The following DBN1 variants were observed in gnomAD, a reference collection of about 807,000 sequenced individuals.
The protein encoded by DBN1 is drebrin.
In DBN1, 21 loss-of-function variants were observed where a neutral mutation model predicts 83.5. The observed-to-expected ratio is 0.25, with a 90% CI of 0.18 to 0.36. The LOEUF (loss-of-function observed/expected upper bound fraction) is 0.36, where lower values mean the gene tolerates loss of function less well. Ranked by LOEUF, DBN1 falls within the 10% of genes least tolerant of loss-of-function variation. DBN1 has a pLI of 1.00. For missense variants in DBN1, 874 were observed against 935.7 expected (o/e 0.93, Z 0.86); for synonymous variants, 381 against 384.9 (o/e 0.99, Z 0.12).
intron 1 of DBN1, chr5:177,472,872 G>A (rs917720958): frequency 1.0e-6 from 1 of 985,430 alleles, no homozygotes; most frequent in Non-Finnish European, 1.2e-6. Context: ...CCAGGTTTCG[G>A]GGGGAGGGCG....
intron 1 of DBN1, among the ~76,000 whole-genome samples, chr5:177,469,483 GC>G (rs1757696254): frequency 6.6e-6 from 1 of 152,128 alleles, no homozygotes; most frequent in South Asian, 2.1e-4. Flanking sequence ...CTCAATCTCC[GC>G]CTCTCTGAAA....
In DBN1 at chr5:177,460,668, C is replaced by A. The variant is rs139280919; in HGVS notation, c.807G>T (p.Met269Ile). Residue 269 changes from methionine (M) to isoleucine (I), a missense_variant, in exon 9 of 15, where the codon ATG becomes ATT. Around this residue, in one of 4 missense-constraint regions of DBN1, gnomAD observed 725 missense variants for 719.7 expected, o/e 1.01. Coordinates refer to ENST00000393565, the MANE Select transcript of DBN1 (RefSeq NM_001363541.2). ...CCTCCACCTCCGACTCTGACTTCTTCATGTGGGTCTCTTCCTCCTCATCCC... is the reference window on the plus strand; with the variant it reads ...CCTCCACCTCCGACTCTGACTTCTTAATGTGGGTCTCTTCCTCCTCATCCC... Reference protein sequence around the residue: ...DHRDEEEETHMKKSESEVEEA... With the variant: ...DHRDEEEETHIKKSESEVEEA... 1.9e-6 allele frequency: 3 copies of A among 1,614,212 alleles called. No homozygotes were observed. The highest frequency in any genetic ancestry group is 2.5e-6 in the Non-Finnish European group (3 of 1,180,036).
At chr5:177,458,924 A>G (rs777261828) in intron 12 of DBN1, among the ~76,000 whole-genome samples, 174 bp downstream of exon 12, 1 of 152,152 alleles carries the variant, frequency 6.6e-6, no homozygotes, top group Non-Finnish European at 1.5e-5. Context: ...TAAGCTTTAG[A>G]GAGGGCAGGT....
intron 1 of DBN1, chr5:177,472,210 T>C: frequency 6.2e-7 from 1 of 1,613,634 alleles, no homozygotes; most frequent in Non-Finnish European, 8.5e-7. Flanking sequence ...TGCCCAGCCA[T>C]CTCATCCTCT....
intron 1 of DBN1, among the ~76,000 whole-genome samples, chr5:177,470,311 T>C (rs1050908966): frequency 6.6e-6 from 1 of 152,176 alleles, no homozygotes; most frequent in African/African-American, 2.4e-5. Flanking sequence ...TCTCTCTCCA[T>C]GCACTGATGA....
At position 177,464,923 on chromosome 5, in the gene DBN1, G is replaced by GGCGA. The variant is rs1757326435; in HGVS notation, c.771+1848_771+1849insTCGC. Among the ~76,000 whole-genome samples, 4 of 152,092 alleles carry GGCGA rather than the reference G, an allele frequency of 2.6e-5. No individual in the cohort carries two copies. The South Asian group carries it at 6.2e-4, about 24-fold the overall frequency. On this transcript the variant is annotated intron_variant, in intron 8 of 14. Coordinates refer to ENST00000393565, the MANE Select transcript of DBN1 (RefSeq NM_001363541.2). ...TAATCCCAGCACTTTGGGTGGCTGAGGTGGGCAGATCATGAGGTCAGGAGA... is the reference window on the plus strand; with the variant it reads ...TAATCCCAGCACTTTGGGTGGCTGAGGCGAGTGGGCAGATCATGAGGTCAGGAGA...
Position 177,467,325 on chromosome 5 carries a change from G to A in DBN1, c.485C>T (p.Thr162Ile). 1 of 1,614,190 alleles carries A rather than the reference G, an allele frequency of 6.2e-7. No individual in the cohort carries two copies. The highest frequency in any genetic ancestry group is 8.5e-7 in the Non-Finnish European group (1 of 1,180,020). The change falls in exon 6 of 15, where the codon ACC becomes ATC. Residue 162 changes from threonine to isoleucine, a missense_variant. Thr to Ile is a moderately conservative substitution (Grantham distance 89). Transcript: ENST00000393565. The surrounding 1 kb of genome is among the most constrained non-coding windows in gnomAD (Gnocchi z 9.1). The part of the protein sequence containing the change: ...EDENAEPVGT[T>I]YQKTDAAVEM... ...CACAGCTGCATCCGTCTTCTGGTAGGTGGTGCCCTGCAGTGTCGAAGGACC... is the reference window on the plus strand; with the variant it reads ...CACAGCTGCATCCGTCTTCTGGTAGATGGTGCCCTGCAGTGTCGAAGGACC...
At chr5:177,472,077 C>T (rs1324855910) in intron 1 of DBN1, 5 of 1,585,392 alleles carry the variant, frequency 3.2e-6, no homozygotes, top group African/African-American at 1.4e-5. Flanking sequence ...ATGGGTGGGC[C>T]GCCTGCCTGC....
rs576317266 is a variant in DBN1 at position 177,458,246 on chromosome 5, G to T, written c.1726C>A (p.Leu576Ile). 1 of 1,613,726 alleles carries T rather than the reference G, an allele frequency of 6.2e-7. No individual in the cohort carries two copies. Among genetic ancestry groups the T allele is most frequent in the Admixed American group, 1.7e-5 (1 of 60,022 alleles). The change falls in exon 13 of 15, where the codon CTT (leucine) becomes ATT (isoleucine). Residue 576 changes from leucine to isoleucine, a missense_variant. Leu to Ile is a conservative substitution (Grantham distance 5). Around this residue, in one of 4 missense-constraint regions of DBN1, gnomAD observed 725 missense variants for 719.7 expected, o/e 1.01. Coordinates refer to ENST00000393565, the MANE Select transcript of DBN1 (RefSeq NM_001363541.2). Reference protein sequence around the residue: ...LLPAGEGCATLLNFDELPEPP... With the variant: ...LLPAGEGCATILNFDELPEPP... ...TCAGGCAGCTCATCAAAGTTGAGAA[G>T]GGTGGCACAGCCTTCGCCTGCTGGC...
At chr5:177,462,145 G>C (rs1757091379) in intron 8 of DBN1, 2 of 888,894 alleles carry the variant, frequency 2.2e-6, no homozygotes, top group Non-Finnish European at 2.7e-6. Context: ...GCCCGCACTT[G>C]GCCTACGTCC....
Position 177,472,296 on chromosome 5 carries a change from T to C in DBN1, c.86+1140A>G, listed in dbSNP as rs1757907332. 4 of 1,582,222 alleles carry C rather than the reference T, an allele frequency of 2.5e-6. No homozygotes were observed. The African/African-American group carries it at 4.1e-5, about 16-fold the overall frequency. On this transcript the variant is annotated intron_variant, in intron 1 of 14. Transcript: ENST00000393565. ...GCGGGTGAGGCCAGCCCAAGCGGGG[T>C]CCCTCAGACCTGCCCTCCTCTTTGC...
chr5:177,464,721 C>T (rs1757301129), intron 8 of DBN1, among the ~76,000 whole-genome samples: 1 of 152,040 alleles, frequency 6.6e-6, no homozygotes, highest in Non-Finnish European at 1.5e-5. Context: ...GGGTGGATCA[C>T]CTGAGGTCAG....
At chr5:177,462,244 A>G in intron 8 of DBN1, 1 of 985,042 alleles carries the variant, frequency 1.0e-6, no homozygotes, top group Non-Finnish European at 1.2e-6. Flanking sequence ...TGAGATGTAG[A>G]CATCAAGTCC....
chr5:177,462,443 T>A (rs1757120239), intron 8 of DBN1: 1 of 982,606 alleles, frequency 1.0e-6, no homozygotes, highest in African/African-American at 1.7e-5. Context: ...TCAGGTCATT[T>A]CCTCCTCTGG....
At chr5:177,462,292 C>G in intron 8 of DBN1, 1 of 985,524 alleles carries the variant, frequency 1.0e-6, no homozygotes, top group South Asian at 4.7e-5. Flanking sequence ...CAGGCACACC[C>G]GTTCCCACCT....
At chr5:177,462,702 G>A (rs967767090) in intron 8 of DBN1, among the ~76,000 whole-genome samples, 8 of 152,180 alleles carry the variant, frequency 5.3e-5, no homozygotes, top group Admixed American at 6.5e-5. Context: ...TGAAGTCCCA[G>A]GGCTGCTCTG....
chr5:177,463,078 T>C (rs1377239066), intron 8 of DBN1, among the ~76,000 whole-genome samples: 14 of 151,754 alleles, frequency 9.2e-5, no homozygotes, highest in African/African-American at 3.1e-4. Flanking sequence ...AGTCTTTCAC[T>C]CAGGCTGGAG....
At position 177,464,710 on chromosome 5, in the gene DBN1, C is replaced by T. The variant is rs555661028; in HGVS notation, c.771+2062G>A. 4.0e-5 allele frequency among the ~76,000 whole-genome samples: 6 copies of T among 151,810 alleles called. No individual in the cohort carries two copies. In the East Asian group the frequency reaches 5.8e-4, roughly 15 times the overall value. The stretch of plus-strand genomic sequence containing the variant: ...TAATCCCGGCACTTTGTGAGGCCGG[C>T]GGGTGGATCACCTGAGGTCAGGAGT... On this transcript the variant is annotated intron_variant, in intron 8 of 14. Coordinates refer to ENST00000393565, the MANE Select transcript of DBN1 (RefSeq NM_001363541.2).
intron 1 of DBN1, chr5:177,472,860 G>A: frequency 1.0e-6 from 1 of 985,592 alleles, no homozygotes; most frequent in Non-Finnish European, 1.2e-6. Context: ...CCTCACTCCA[G>A]CCCAGGTTTC....
Sources: gnomAD v4.1 joint callset for allele counts (sites outside exome capture counted in the v4.1 genomes callset) on GRCh38, gnomAD v4.1.1 for gene constraint, gnomAD v4.1.1 regional missense constraint, Gnocchi (gnomAD v3.1) non-coding constraint, MANE v1.5 for transcripts, NCBI Gene and HGNC (gene_info 2026-07-23, HGNC 2026-07-21) for gene names.